The following PRICKLE2 variants were observed in gnomAD, a reference collection of about 807,000 sequenced individuals.
PRICKLE2 encodes prickle-like protein 2.
PRICKLE2 carries 21 observed loss-of-function variants against 81.4 expected under a neutral mutation model. The observed-to-expected ratio is 0.26, with a 90% CI of 0.18 to 0.37. The LOEUF (loss-of-function observed/expected upper bound fraction) is 0.37, where lower values mean the gene tolerates loss of function less well. Among genes scored for constraint, PRICKLE2 ranks in the 10% least tolerant of loss-of-function variants. The pLI is 1.00. For missense variants in PRICKLE2, 940 were observed against 1,109.0 expected, an observed-to-expected ratio of 0.85 and a Z score of 2.16; for synonymous variants, 456 against 421.5, an observed-to-expected ratio of 1.08 and a Z score of -1.00.
intron 1 of PRICKLE2, among the ~76,000 whole-genome samples, chr3:64,223,802 G>A (rs1278463138): frequency 1.3e-5 from 2 of 152,176 alleles, no homozygotes; most frequent in East Asian, 1.9e-4. Context: ...GCCATCAGCA[G>A]GCAGTAAGCC....
At chr3:64,133,679 T>C (rs897294847) in intron 7 of PRICKLE2, among the ~76,000 whole-genome samples, 2 of 152,044 alleles carry the variant, frequency 1.3e-5, no homozygotes, top group Non-Finnish European at 1.5e-5. Flanking sequence ...CTATTAGCAT[T>C]AATAGGGGTA....
intron 1 of PRICKLE2, among the ~76,000 whole-genome samples, chr3:64,220,745 G>T (rs528589405): frequency 6.6e-6 from 1 of 152,194 alleles, no homozygotes; most frequent in East Asian, 1.9e-4. Flanking sequence ...GACATCTCTG[G>T]ATTCTGTGCC....
chr3:64,262,614 G>A (rs2079632574), intron 2 of PRICKLE2, among the ~76,000 whole-genome samples: 1 of 151,474 alleles, frequency 6.6e-6, no homozygotes, highest in Non-Finnish European at 1.5e-5. Flanking sequence ...GGAGGCAGGA[G>A]CGGCTGACCT....
chr3:64,160,333 G>C (rs2077711666), intron 3 of PRICKLE2, among the ~76,000 whole-genome samples: 1 of 152,172 alleles, frequency 6.6e-6, no homozygotes, highest in African/African-American at 2.4e-5. Context: ...CAGGCTAAAG[G>C]TGCCTGCTCC....
At chr3:64,120,338 T>C (rs704378) in intron 7 of PRICKLE2, among the ~76,000 whole-genome samples, 75,686 of 152,064 alleles carry the variant, frequency 0.5, 19,323 homozygotes, top group Middle Eastern at 0.61. Flanking sequence ...GAGCTCTTTA[T>C]ACTTTTTAAG....
At chr3:64,237,361 A>G (rs2079198041) in intron 2 of PRICKLE2, among the ~76,000 whole-genome samples, 1 of 152,090 alleles carries the variant, frequency 6.6e-6, no homozygotes, top group Non-Finnish European at 1.5e-5. Flanking sequence ...TGCCAATTAA[A>G]GTGGCTCTCA....
chr3:64,250,269 C>T (rs904526973), intron 2 of PRICKLE2, among the ~76,000 whole-genome samples: 15 of 152,190 alleles, frequency 9.9e-5, no homozygotes, highest in Non-Finnish European at 1.9e-4. Context: ...AGGGGGCTGT[C>T]TTGTGTACTG....
At chr3:64,242,021 T>C (rs1305580941) in intron 2 of PRICKLE2, among the ~76,000 whole-genome samples, 5 of 152,164 alleles carry the variant, frequency 3.3e-5, no homozygotes, top group Non-Finnish European at 5.9e-5. Context: ...ATGTATATTA[T>C]TTCGCTCAGA....
At position 64,225,039 on chromosome 3, in the gene PRICKLE2, A is replaced by G; in HGVS notation, c.-170T>C. On this transcript the variant is annotated 5_prime_UTR_variant, in exon 1 of 8. Coordinates refer to ENST00000638394, the MANE Select transcript of PRICKLE2 (RefSeq NM_198859.4). ...ACGCAAGCAGGACCTCAGGCAGCCA[A>G]AGCATCTTCTCCTCAAACCCCCTTT... The G allele has an allele frequency of 1.0e-6, 1 of 985,374 alleles. No individual in the cohort carries two copies. Among genetic ancestry groups the G allele is most frequent in the South Asian group, 4.7e-5 (1 of 21,262 alleles). The allele number at this position is 985,374 out of a possible 1,614,324, so 61.0% of individuals were successfully genotyped here.
At chr3:64,110,041 C>T (rs1284228787) in intron 7 of PRICKLE2, among the ~76,000 whole-genome samples, 1 of 152,166 alleles carries the variant, frequency 6.6e-6, no homozygotes, top group Non-Finnish European at 1.5e-5. Flanking sequence ...AGGAGGAAAC[C>T]AGGAAGGGAC....
upstream of PRICKLE2, among the ~76,000 whole-genome samples, chr3:64,227,369 G>C (rs1342188881): frequency 6.6e-6 from 1 of 152,162 alleles, no homozygotes; most frequent in Non-Finnish European, 1.5e-5. Flanking sequence ...TTCTAACCCA[G>C]TGTGGCCACG....
intron 7 of PRICKLE2, among the ~76,000 whole-genome samples, chr3:64,120,954 C>T (rs1467490265): frequency 6.6e-6 from 1 of 152,186 alleles, no homozygotes; most frequent in African/African-American, 2.4e-5. Context: ...GGACTGAATT[C>T]TTGGAAAGCA....
intron 3 of PRICKLE2, among the ~76,000 whole-genome samples, chr3:64,162,705 G>C (rs2077754338): frequency 6.6e-6 from 1 of 152,184 alleles, no homozygotes; most frequent in Non-Finnish European, 1.5e-5. Context: ...AACCCACATG[G>C]CATATTCTTC....
intron 2 of PRICKLE2, 127 bp from the exon 3 acceptor site, chr3:64,163,256 G>T: frequency 1.3e-6 from 1 of 741,830 alleles, no homozygotes; most frequent in Non-Finnish European, 2.5e-6. Context: ...CTTTATGAAA[G>T]TCAACAGCAG....
chr3:64,235,595 C>T (rs748896731), intron 2 of PRICKLE2, among the ~76,000 whole-genome samples: 11 of 152,150 alleles, frequency 7.2e-5, no homozygotes, highest in South Asian at 4.1e-4. Flanking sequence ...ACAAGTTGAG[C>T]GAAGTCTGTT....
At chr3:64,155,323 C>A (rs1366804450) in intron 5 of PRICKLE2, among the ~76,000 whole-genome samples, 1 of 150,720 alleles carries the variant, frequency 6.6e-6, no homozygotes, top group African/African-American at 2.4e-5. Flanking sequence ...TGAATCAAAA[C>A]CTCAATGTGA....
Position 64,236,910 on chromosome 3 carries a change from T to G in PRICKLE2, c.129-37943A>C, listed in dbSNP as rs150009337. On this transcript the variant is annotated intron_variant, in intron 2 of 8. Coordinates refer to the PRICKLE2 transcript ENST00000295902. ...GGTACTATTATTATCTGCCAAAGAG[T>G]AATCATAGATCTTCCCACTTATCAT... Among the ~76,000 whole-genome samples, 620 of 152,228 alleles carry G rather than the reference T, an allele frequency of 4.1e-3. 5 individuals carry two copies. Among genetic ancestry groups the G allele is most frequent in the African/African-American group, 0.014 (581 of 41,548 alleles).
chr3:64,098,881 T>G lies in PRICKLE2; in HGVS notation c.*170A>C. 1 of 702,558 alleles carries G rather than the reference T, an allele frequency of 1.4e-6. No homozygotes were observed. The highest frequency in any genetic ancestry group is 1.7e-5 in the South Asian group (1 of 59,708). The allele number at this position is 702,558 out of a possible 1,614,324, so 43.5% of individuals were successfully genotyped here. A position where few individuals can be genotyped will look rare whatever the true frequency, so the allele number is the denominator to read the frequency against. On this transcript the variant is annotated 3_prime_UTR_variant, in exon 8 of 8. Transcript: ENST00000638394. ...AAATAATATTCAACATGCCAAGAAC[T>G]GTGACTACCTATTGAGTCAACCTGT...
intron 2 of PRICKLE2, among the ~76,000 whole-genome samples, chr3:64,193,341 T>C (rs954143439): frequency 5.3e-5 from 8 of 152,176 alleles, no homozygotes; most frequent in Non-Finnish European, 1.2e-4. Flanking sequence ...ATGCATAGGC[T>C]AGTGGAGTCC....
Sources: allele counts gnomAD v4.1 joint callset (sites outside exome capture counted in the v4.1 genomes callset), GRCh38; gene constraint gnomAD v4.1.1; transcripts MANE v1.5; gene names NCBI Gene and HGNC (gene_info 2026-07-23, HGNC 2026-07-21).